The following SPAG16 variants were observed in gnomAD, a reference collection of about 807,000 sequenced individuals.
SPAG16 encodes the protein sperm-associated antigen 16 protein.
A neutral mutation model predicts 80.4 loss-of-function variants in SPAG16; 86 were observed. That is an observed-to-expected ratio of 1.07 (90% confidence interval 0.90 to 1.28). SPAG16 has a LOEUF of 1.28. Ranked by LOEUF, SPAG16 falls within the 50% of genes most tolerant of loss-of-function variation. The pLI, the probability that SPAG16 is intolerant of heterozygous loss-of-function variation, is 0.00. For synonymous variants in SPAG16, 294 were observed against 265.9 expected (o/e 1.11, Z -1.03); for missense variants, 870 against 765.3 (o/e 1.14, Z -1.61).
At chr2:213,456,632 C>T (rs751830012) in intron 9 of SPAG16, among the ~76,000 whole-genome samples, 1 of 151,320 alleles carries the variant, frequency 6.6e-6, no homozygotes, top group South Asian at 2.1e-4. Flanking sequence ...CCTGAGTTGT[C>T]GGCTCTTTTT....
intron 10 of SPAG16, among the ~76,000 whole-genome samples, chr2:213,633,652 A>G (rs1264480767): frequency 3.3e-5 from 5 of 151,982 alleles, no homozygotes; most frequent in Non-Finnish European, 5.9e-5. Context: ...TTGTATTGGG[A>G]CTATCTCTCT....
At chr2:213,694,319 A>G (rs539491530) in intron 10 of SPAG16, among the ~76,000 whole-genome samples, 388 of 152,282 alleles carry the variant, frequency 2.5e-3, no homozygotes, top group Non-Finnish European at 3.7e-3. Flanking sequence ...CTTCTCATTG[A>G]TATCCTTTTT....
At chr2:213,950,872 C>A (rs1293462496) in intron 12 of SPAG16, among the ~76,000 whole-genome samples, 1 of 151,652 alleles carries the variant, frequency 6.6e-6, no homozygotes, top group Non-Finnish European at 1.5e-5. Flanking sequence ...ACATGCCCTG[C>A]TAATTTTGGG....
intron 13 of SPAG16, among the ~76,000 whole-genome samples, chr2:214,029,702 C>T (rs1290456336): frequency 3.3e-5 from 5 of 152,064 alleles, no homozygotes; most frequent in Admixed American, 2.0e-4. Context: ...AAACTTAACT[C>T]TATGCCTTTC....
At chr2:213,398,508 T>G (rs531948432) in intron 9 of SPAG16, among the ~76,000 whole-genome samples, 1 of 152,334 alleles carries the variant, frequency 6.6e-6, no homozygotes, top group South Asian at 2.1e-4. Context: ...ACACTGTAGG[T>G]ATGCCCCACC....
intron 10 of SPAG16, among the ~76,000 whole-genome samples, chr2:213,720,912 A>AT (rs981741842): frequency 1.3e-4 from 20 of 150,754 alleles, no homozygotes; most frequent in Admixed American, 3.3e-4. Flanking sequence ...CGCCCGGCTA[A>AT]TTTTTTTGTA....
intron 15 of SPAG16, among the ~76,000 whole-genome samples, chr2:214,303,858 T>C (rs1694731716): frequency 6.6e-6 from 1 of 152,244 alleles, no homozygotes; most frequent in South Asian, 2.1e-4. Flanking sequence ...AGAGCAGTTT[T>C]CATTTTTTAA....
At chr2:213,574,206 T>C (rs1007604891) in intron 10 of SPAG16, among the ~76,000 whole-genome samples, 1 of 152,194 alleles carries the variant, frequency 6.6e-6, no homozygotes, top group Admixed American at 6.5e-5. Context: ...TGTCTAATCT[T>C]GTTTATCCAG....
At chr2:214,294,072 T>A (rs1693977484) in intron 15 of SPAG16, among the ~76,000 whole-genome samples, 1 of 152,230 alleles carries the variant, frequency 6.6e-6, no homozygotes, top group Admixed American at 6.5e-5. Flanking sequence ...GCCGTCCTTT[T>A]GGAACTGAGC....
chr2:214,064,328 T>G (rs1365924490), intron 13 of SPAG16, among the ~76,000 whole-genome samples: 1 of 152,138 alleles, frequency 6.6e-6, no homozygotes, highest in African/African-American at 2.4e-5. Flanking sequence ...CTCCTTGTGA[T>G]AATTTAAAAA....
intron 13 of SPAG16, among the ~76,000 whole-genome samples, chr2:214,085,420 A>G (rs1308606010): frequency 6.8e-6 from 1 of 146,072 alleles, no homozygotes; most frequent in Non-Finnish European, 1.5e-5. Context: ...GAAAAAGAAG[A>G]AAAGAGAGTT....
intron 15 of SPAG16, among the ~76,000 whole-genome samples, chr2:214,330,502 C>T (rs1024002001): frequency 1.1e-4 from 17 of 152,122 alleles, no homozygotes; most frequent in African/African-American, 4.1e-4. Flanking sequence ...CTCTTGGGAA[C>T]ACCTGTAAGA....
rs77864278 is a variant in SPAG16, at chr2:213,414,755, C to T, written c.942+39636C>T. On this transcript the variant is annotated intron_variant, in intron 9 of 15. Transcript: ENST00000331683. Reference sequence around the variant, plus strand: ...AATTTAATGTAAAATAAGTAATAACCGCTGATAAACTATTTGACCTAGAGT... The same window carrying T: ...AATTTAATGTAAAATAAGTAATAACTGCTGATAAACTATTTGACCTAGAGT... Among the ~76,000 whole-genome samples, 543 of 152,224 alleles carry T rather than the reference C, an allele frequency of 3.6e-3. 4 individuals carry two copies. Among genetic ancestry groups the T allele is most frequent in the Non-Finnish European group, 6.1e-3 (414 of 67,998 alleles).
At chr2:214,042,208 T>G (rs1342032003) in intron 13 of SPAG16, among the ~76,000 whole-genome samples, 1 of 151,282 alleles carries the variant, frequency 6.6e-6, no homozygotes, top group Admixed American at 6.6e-5. Flanking sequence ...ATTCTCCTGC[T>G]TCAGCCTCCC....
At chr2:214,213,535 T>C (rs1356676648) in intron 15 of SPAG16, among the ~76,000 whole-genome samples, 2 of 152,176 alleles carry the variant, frequency 1.3e-5, no homozygotes, top group African/African-American at 4.8e-5. Flanking sequence ...AACTATAGCA[T>C]TATTGTTGAC....
intron 10 of SPAG16, among the ~76,000 whole-genome samples, chr2:213,609,279 A>G (rs1173715099): frequency 1.3e-5 from 2 of 152,116 alleles, no homozygotes; most frequent in Non-Finnish European, 2.9e-5. Context: ...TATAGTGACT[A>G]TTTCTAACCA....
intron 13 of SPAG16, among the ~76,000 whole-genome samples, chr2:214,016,810 C>A (rs776914010): frequency 6.6e-6 from 1 of 152,176 alleles, no homozygotes; most frequent in Admixed American, 6.5e-5. Flanking sequence ...ACAATGACTA[C>A]AGTTGACTCT....
chr2:214,070,459 C>T (rs2050735708), intron 13 of SPAG16, among the ~76,000 whole-genome samples: 1 of 152,000 alleles, frequency 6.6e-6, no homozygotes, highest in Non-Finnish European at 1.5e-5. Context: ...TTCTCCACTG[C>T]TTTGAATTAT....
At chr2:213,756,317 A>C (rs1260999808) in intron 10 of SPAG16, among the ~76,000 whole-genome samples, 1 of 152,080 alleles carries the variant, frequency 6.6e-6, no homozygotes, top group Non-Finnish European at 1.5e-5. Context: ...CCCGTCTCAA[A>C]AAAATAAATA....
Sources: gnomAD v4.1 joint callset for allele counts (sites outside exome capture counted in the v4.1 genomes callset) on GRCh38, gnomAD v4.1.1 for gene constraint, MANE v1.5 for transcripts, NCBI Gene and HGNC (gene_info 2026-07-23, HGNC 2026-07-21) for gene names.